CACNA1C: variants seen among roughly 807,000 people sequenced by gnomAD.
CACNA1C encodes the protein calcium voltage-gated channel subunit alpha1 C.
In CACNA1C, 30 loss-of-function variants were observed where a neutral mutation model predicts 229.0. The ratio of observed to expected loss-of-function variants is 0.13; its 90% CI spans 0.10 to 0.18. The LOEUF is 0.18. Among genes scored for constraint, CACNA1C ranks in the 10% least tolerant of loss-of-function variants. The pLI is 1.00. For missense variants in CACNA1C, 1,658 were observed against 2,845.0 expected, an observed-to-expected ratio of 0.58 and a Z score of 9.49; for synonymous variants, 1,114 against 1,132.5, an observed-to-expected ratio of 0.98 and a Z score of 0.33.
chr12:2,664,949 G>C lies in CACNA1C; in HGVS notation c.4357G>C (p.Val1453Leu). 6.2e-7 allele frequency: 1 copy of C among 1,614,202 alleles called. No individual in the cohort carries two copies. The highest frequency in any genetic ancestry group is 8.5e-7 in the Non-Finnish European group (1 of 1,180,012). ...GETPCGSSFA[V>L]FYFISFYMLC... is the part of the protein sequence containing the mutation. ...AACACCCTGTGGTAGCAGCTTTGCT[G>C]TCTTCTACTTCATCAGCTTCTACAT... The change falls in exon 35 of 47, where the codon GTC becomes CTC. Residue 1453 changes from valine to leucine, a missense_variant. This residue lies in a region of CACNA1C where 151 missense variants were observed against 344.4 expected (regional missense o/e 0.44). Transcript: ENST00000399655.
chr12:2,269,379 T>C (rs1260343389), intron 3 of CACNA1C, among the ~76,000 whole-genome samples: 1 of 152,196 alleles, frequency 6.6e-6, no homozygotes, highest in Non-Finnish European at 1.5e-5. Flanking sequence ...TCTCTACTGA[T>C]GGGAGTGACA....
chr12:2,309,912 T>C (rs890536484), intron 3 of CACNA1C, among the ~76,000 whole-genome samples: 2 of 152,112 alleles, frequency 1.3e-5, no homozygotes, highest in Non-Finnish European at 2.9e-5. Flanking sequence ...ACTGCATGAG[T>C]TTCCGAGGTT....
intron 3 of CACNA1C, among the ~76,000 whole-genome samples, chr12:2,422,670 C>G (rs1024932809): frequency 1.3e-5 from 2 of 152,206 alleles, no homozygotes; most frequent in Non-Finnish European, 2.9e-5. Flanking sequence ...AGTGCTAACT[C>G]GTGTGGCCAG....
At chr12:2,048,803 A>T (rs2051547348), upstream of CACNA1C, among the ~76,000 whole-genome samples, 1 of 152,198 alleles carries the variant, frequency 6.6e-6, no homozygotes, top group African/African-American at 2.4e-5. Flanking sequence ...CTAAGGGAAG[A>T]GGAAGAGCCT....
At chr12:2,228,554 G>A (rs1442534380) in intron 3 of CACNA1C, among the ~76,000 whole-genome samples, 7 of 152,194 alleles carry the variant, frequency 4.6e-5, no homozygotes. Context: ...TGGTTGACAA[G>A]GTATGTGCTA....
At chr12:2,385,196 A>G (rs917363015) in intron 3 of CACNA1C, among the ~76,000 whole-genome samples, 20 of 152,214 alleles carry the variant, frequency 1.3e-4, no homozygotes, top group Non-Finnish European at 2.4e-4. Flanking sequence ...TGATGGAATC[A>G]GAGTCTCCAT....
intron 3 of CACNA1C, among the ~76,000 whole-genome samples, chr12:2,330,581 A>T (rs1349310725): frequency 6.6e-6 from 1 of 152,226 alleles, no homozygotes; most frequent in Non-Finnish European, 1.5e-5. Context: ...TCCAGAGGCC[A>T]AGTGCTTAGC....
intron 3 of CACNA1C, among the ~76,000 whole-genome samples, chr12:2,344,607 C>T (rs918994274): frequency 3.3e-5 from 5 of 152,058 alleles, no homozygotes; most frequent in East Asian, 1.9e-4. Flanking sequence ...GTCTTGAGTG[C>T]GGAGTCTGTG....
intron 1 of CACNA1C, among the ~76,000 whole-genome samples, chr12:2,040,810 T>C (rs2049954074): frequency 6.6e-6 from 1 of 152,236 alleles, no homozygotes. Context: ...CTTGACAAGC[T>C]TTTTCATACT....
intron 3 of CACNA1C, among the ~76,000 whole-genome samples, chr12:2,435,880 T>C (rs553818877): frequency 4.6e-5 from 7 of 152,314 alleles, no homozygotes; most frequent in African/African-American, 1.7e-4. Context: ...CAGGCCGTCG[T>C]GCCATGTACC....
At chr12:2,295,062 T>C (rs1485157164) in intron 3 of CACNA1C, among the ~76,000 whole-genome samples, 1 of 151,790 alleles carries the variant, frequency 6.6e-6, no homozygotes, top group Non-Finnish European at 1.5e-5. Flanking sequence ...AGTGTGGGAG[T>C]CTTTCTGCCA....
chr12:2,646,819 TA>T lies in CACNA1C; in HGVS notation c.3913-1655del, dbSNP rs1174302126. ...GTGTGTGCGCGTGTGTGTGTCTGCCTATGTTTGTCTCTGTGTTCAATCTCAG... is the reference window on the plus strand; with the variant it reads ...GTGTGTGCGCGTGTGTGTGTCTGCCTTGTTTGTCTCTGTGTTCAATCTCAG... On this transcript the variant is annotated intron_variant, in intron 30 of 46. Coordinates refer to ENST00000399655, the MANE Select transcript of CACNA1C (RefSeq NM_000719.7). The surrounding 1 kb of genome is among the most constrained non-coding windows in gnomAD (Gnocchi z 4.6). Among the ~76,000 whole-genome samples the T allele has an allele frequency of 6.6e-6, 1 of 152,006 alleles. No individual in the cohort carries two copies. Among genetic ancestry groups the T allele is most frequent in the African/African-American group, 2.4e-5 (1 of 41,394 alleles).
chr12:2,424,384 T>C (rs752060242), intron 3 of CACNA1C, among the ~76,000 whole-genome samples: 1 of 151,586 alleles, frequency 6.6e-6, no homozygotes, highest in African/African-American at 2.4e-5. Context: ...GGGGAGAAGG[T>C]GAGAGAAACC....
At chr12:2,174,465 A>T (rs1019034747) in intron 3 of CACNA1C, among the ~76,000 whole-genome samples, 4 of 152,234 alleles carry the variant, frequency 2.6e-5, no homozygotes, top group African/African-American at 9.6e-5. Context: ...TTCAAATGTA[A>T]TCAAAGAGAC....
At chr12:2,303,160 C>T (rs1313955705) in intron 3 of CACNA1C, among the ~76,000 whole-genome samples, 4 of 152,220 alleles carry the variant, frequency 2.6e-5, no homozygotes, top group Admixed American at 6.5e-5. Flanking sequence ...ATGTGGCTTC[C>T]GGTCACAAAA....
At chr12:2,577,425 C>G (rs1332717838) in intron 13 of CACNA1C, among the ~76,000 whole-genome samples, 1 of 151,342 alleles carries the variant, frequency 6.6e-6, no homozygotes, top group East Asian at 1.9e-4. Flanking sequence ...TTGCTCAAGC[C>G]ACAGAAACCG....
At chr12:2,545,416 C>G (rs1205874253) in intron 9 of CACNA1C, among the ~76,000 whole-genome samples, 1 of 151,734 alleles carries the variant, frequency 6.6e-6, no homozygotes, top group Non-Finnish European at 1.5e-5. Context: ...CATTATGCTC[C>G]TCATCTTCTT....
chr12:2,113,170 G>A (rs1335402186), intron 1 of CACNA1C, among the ~76,000 whole-genome samples: 1 of 152,178 alleles, frequency 6.6e-6, no homozygotes, highest in Non-Finnish European at 1.5e-5. Context: ...TCAGGTAAGG[G>A]CTAACTTCAG....
rs1373544547 is a variant in CACNA1C at position 2,575,072 on chromosome 12, G to A, written c.1896-6518G>A. ...CTGCTAAGGCCATCCCCAGGTCCAG[G>A]CCAGACCACCTTGCCCGCTTGACCA... is the stretch of plus-strand genomic sequence containing the variant. On this transcript the variant is annotated intron_variant, in intron 13 of 46. Transcript: ENST00000399655. The surrounding 1 kb of genome is among the most constrained non-coding windows in gnomAD (Gnocchi z 4.0). Among the ~76,000 whole-genome samples the A allele has an allele frequency of 6.6e-6, 1 of 152,204 alleles. No homozygotes were observed. Among genetic ancestry groups the A allele is most frequent in the Non-Finnish European group, 1.5e-5 (1 of 68,038 alleles).
Sources: gnomAD v4.1 joint callset for allele counts (sites outside exome capture counted in the v4.1 genomes callset) on GRCh38, gnomAD v4.1.1 for gene constraint, gnomAD v4.1.1 regional missense constraint, Gnocchi (gnomAD v3.1) non-coding constraint, MANE v1.5 for transcripts, NCBI Gene and HGNC (gene_info 2026-07-23, HGNC 2026-07-21) for gene names.